SEM1: variants seen among roughly 807,000 people sequenced by gnomAD.
SEM1 encodes SEM1 26S proteasome subunit, also known as 26S proteasome complex subunit SEM1.
SEM1 carries 3 observed loss-of-function variants against 12.7 expected under a neutral mutation model. The ratio of observed to expected loss-of-function variants is 0.24; its 90% confidence interval spans 0.11 to 0.61. The LOEUF (loss-of-function observed/expected upper bound fraction) is 0.61. SEM1 is among the 20% of genes least tolerant of loss of function. The probability of loss-of-function intolerance (pLI) is 0.88; values close to 1 mark genes in which losing one functional copy is unlikely to be tolerated. For missense variants in SEM1, 59 were observed against 81.3 expected (o/e 0.73, Z 1.06); for synonymous variants, 30 against 27.8 (o/e 1.08, Z -0.25).
At chr7:96,577,879 A>G (rs1018477875) in intron 2 of SEM1, among the ~76,000 whole-genome samples, 28 of 152,082 alleles carry the variant, frequency 1.8e-4, no homozygotes, top group African/African-American at 6.8e-4. Flanking sequence ...AACACCACCA[A>G]TACATGTTAG....
At chr7:96,657,113 CA>C (rs1464361359) in intron 2 of SEM1, among the ~76,000 whole-genome samples, 1 of 151,886 alleles carries the variant, frequency 6.6e-6, no homozygotes, top group East Asian at 1.9e-4. Context: ...CACTTTGAAA[CA>C]GTGAGAACAA....
chr7:96,535,668 T>C (rs1804765969), intron 2 of SEM1, among the ~76,000 whole-genome samples: 1 of 151,944 alleles, frequency 6.6e-6, no homozygotes. Flanking sequence ...TGTCCATGTG[T>C]TCTCCTTATT....
chr7:96,630,098 G>A (rs111721608), intron 2 of SEM1, among the ~76,000 whole-genome samples: 125 of 152,282 alleles, frequency 8.2e-4, no homozygotes, highest in African/African-American at 2.9e-3. Flanking sequence ...CACAGCATTG[G>A]GTGTTGCCCA....
chr7:96,603,707 C>T (rs1216919525), intron 2 of SEM1, among the ~76,000 whole-genome samples: 1 of 152,090 alleles, frequency 6.6e-6, no homozygotes, highest in East Asian at 1.9e-4. Context: ...GCAACAGTCA[C>T]CAAGTGAAAT....
chr7:96,496,861 G>T (rs538794784), upstream of SEM1, among the ~76,000 whole-genome samples: 13 of 152,052 alleles, frequency 8.5e-5, no homozygotes, highest in Non-Finnish European at 1.6e-4. Context: ...CCCTTCATGG[G>T]TTTATAATTC....
At chr7:96,658,473 A>C (rs1809257369) in intron 2 of SEM1, among the ~76,000 whole-genome samples, 1 of 152,030 alleles carries the variant, frequency 6.6e-6, no homozygotes, top group East Asian at 1.9e-4. Context: ...TTTCAATATT[A>C]AAAATGACCA....
intron 3 of SEM1, chr7:96,484,676 G>C: frequency 2.7e-6 from 1 of 373,258 alleles, no homozygotes; most frequent in Non-Finnish European, 5.2e-6. Context: ...TTGACAAGAA[G>C]TTATTCCACT....
At chr7:96,550,252 G>A (rs1486360083) in intron 2 of SEM1, among the ~76,000 whole-genome samples, 1 of 152,024 alleles carries the variant, frequency 6.6e-6, no homozygotes, top group African/African-American at 2.4e-5. Context: ...TATGATACAT[G>A]GTTATAATTG....
intron 2 of SEM1, among the ~76,000 whole-genome samples, chr7:96,510,226 GT>G (rs1441516020): frequency 1.3e-5 from 2 of 152,062 alleles, no homozygotes; most frequent in Non-Finnish European, 2.9e-5. Flanking sequence ...CACCTTTGAA[GT>G]ACAGTCATGT....
In SEM1 at chr7:96,599,680, A is replaced by C. The variant is rs1417888169; in HGVS notation, c.171-92982T>G. Among the ~76,000 whole-genome samples the C allele has an allele frequency of 2.0e-5, 3 of 152,326 alleles. No homozygotes were observed. In the East Asian group the frequency reaches 5.8e-4, roughly 29 times the overall value. ...TCTTACAAGACTTTAAAAGAGAACA[A>C]GAGGACTAGCAGATTCCCTTCCTGC... On this transcript the variant is annotated intron_variant and NMD_transcript_variant, in intron 2 of 3. Coordinates refer to the SEM1 transcript ENST00000466986.
intron 2 of SEM1, among the ~76,000 whole-genome samples, chr7:96,648,842 C>A (rs566705263): frequency 2.0e-5 from 3 of 152,326 alleles, no homozygotes; most frequent in South Asian, 4.1e-4. Flanking sequence ...AAAGCCTCGG[C>A]CACTCACCTA....
intron 2 of SEM1, among the ~76,000 whole-genome samples, chr7:96,557,734 C>G (rs11762560): frequency 6.9e-6 from 1 of 145,680 alleles, no homozygotes; most frequent in Admixed American, 6.9e-5. Flanking sequence ...TGGAGCTTCC[C>G]GGCTGCTTTG....
chr7:96,584,730 G>T (rs147588997), intron 2 of SEM1, among the ~76,000 whole-genome samples: 1 of 151,500 alleles, frequency 6.6e-6, no homozygotes, highest in Admixed American at 6.6e-5. Context: ...ATCTTCCATC[G>T]GTGATACCCT....
intron 2 of SEM1, among the ~76,000 whole-genome samples, chr7:96,607,450 C>T (rs1807415029): frequency 6.6e-6 from 1 of 152,170 alleles, no homozygotes; most frequent in Non-Finnish European, 1.5e-5. Flanking sequence ...AGACTGTTCA[C>T]TCTTTTTGAG....
chr7:96,546,732 TCA>T (rs1805114035), intron 2 of SEM1, among the ~76,000 whole-genome samples: 2 of 152,136 alleles, frequency 1.3e-5, no homozygotes, highest in Non-Finnish European at 2.9e-5. Flanking sequence ...GAAATTCTAC[TCA>T]CCCTTCTTTG....
rs115016446 is a variant in SEM1 at position 96,667,453 on chromosome 7, G to A, written c.170+27345C>T. Among the ~76,000 whole-genome samples, 660 of 152,272 alleles carry A rather than the reference G, an allele frequency of 4.3e-3. 2 individuals are homozygous for A. Among genetic ancestry groups the A allele is most frequent in the African/African-American group, 0.015 (627 of 41,536 alleles). On this transcript the variant is annotated intron_variant, in intron 2 of 2. Coordinates refer to the SEM1 transcript ENST00000417009. ...CATTTACTTCAAAGGCGTAGGTTAT[G>A]ACAATTAATTACCTATTGGCCACGG...
intron 2 of SEM1, among the ~76,000 whole-genome samples, chr7:96,553,787 G>C (rs1331041306): frequency 6.6e-6 from 1 of 152,158 alleles, no homozygotes. Context: ...ACCTTGGGCA[G>C]TATGGCCATT....
chr7:96,597,189 C>T (rs1807024898), intron 2 of SEM1, among the ~76,000 whole-genome samples: 1 of 152,154 alleles, frequency 6.6e-6, no homozygotes, highest in African/African-American at 2.4e-5. Context: ...ACCATCTCTG[C>T]TTACGAAAAG....
At chr7:96,502,909 T>C (rs927601800) in intron 3 of SEM1, among the ~76,000 whole-genome samples, 1 of 152,196 alleles carries the variant, frequency 6.6e-6, no homozygotes, top group Non-Finnish European at 1.5e-5. Flanking sequence ...ATTAATTCTG[T>C]TTCAGTCTGA....
Sources: gnomAD v4.1 joint callset for allele counts (sites outside exome capture counted in the v4.1 genomes callset) on GRCh38, gnomAD v4.1.1 for gene constraint, MANE v1.5 for transcripts, NCBI Gene and HGNC (gene_info 2026-07-23, HGNC 2026-07-21) for gene names.